NFIB: variants seen among roughly 807,000 people sequenced by gnomAD.
NFIB encodes the protein nuclear factor I B.
Under a neutral mutation model 61.5 loss-of-function variants are expected in NFIB, and 11 were observed. The observed-to-expected ratio is 0.18, with a 90% CI of 0.11 to 0.30. The LOEUF (loss-of-function observed/expected upper bound fraction) is 0.30. NFIB is among the 10% of genes least tolerant of loss of function. The pLI is 1.00. For missense variants in NFIB, 471 were observed against 608.9 expected, an observed-to-expected ratio of 0.77 and a Z score of 2.38; for synonymous variants, 260 against 216.5, an observed-to-expected ratio of 1.20 and a Z score of -1.76.
At chr9:14,336,488 T>C (rs1438943369) in intron 1 of NFIB, among the ~76,000 whole-genome samples, 1 of 152,156 alleles carries the variant, frequency 6.6e-6, no homozygotes, top group Non-Finnish European at 1.5e-5. Flanking sequence ...AGCCACCTAT[T>C]TATGGTAATG....
At chr9:14,238,732 C>T (rs1183972695) in intron 2 of NFIB, among the ~76,000 whole-genome samples, 1 of 152,116 alleles carries the variant, frequency 6.6e-6, no homozygotes. Flanking sequence ...TGCTTTGGAA[C>T]TTGGTATCTT....
At chr9:14,287,205 G>A (rs1465049960) in intron 2 of NFIB, among the ~76,000 whole-genome samples, 2 of 151,040 alleles carry the variant, frequency 1.3e-5, no homozygotes, top group Non-Finnish European at 2.9e-5. Context: ...GCCGAGGCGG[G>A]CGGATCACGA....
chr9:14,525,077 G>T, the NFIB span, among the ~76,000 whole-genome samples: 1 of 152,176 alleles, frequency 6.6e-6, no homozygotes, highest in Non-Finnish European at 1.5e-5. Context: ...GAGGAAAGAT[G>T]AATGGAATCG....
chr9:14,183,730 G>C (rs1160772167), intron 2 of NFIB, among the ~76,000 whole-genome samples: 1 of 151,946 alleles, frequency 6.6e-6, no homozygotes, highest in African/African-American at 2.4e-5. Context: ...TTTTGATGCA[G>C]TAGAGAAAAA....
At chr9:14,407,955 G>A in the NFIB span, among the ~76,000 whole-genome samples, 1 of 152,078 alleles carries the variant, frequency 6.6e-6, no homozygotes, top group Non-Finnish European at 1.5e-5. Flanking sequence ...TCAAAGCCCG[G>A]GGGTTACAGG....
chr9:14,228,343 C>T (rs565578568), intron 2 of NFIB, among the ~76,000 whole-genome samples: 3 of 151,994 alleles, frequency 2.0e-5, no homozygotes, highest in African/African-American at 7.2e-5. Context: ...TACAGGAGCA[C>T]ACCACCACGC....
At chr9:14,340,730 A>G (rs1403444255) in intron 1 of NFIB, among the ~76,000 whole-genome samples, 7 of 152,224 alleles carry the variant, frequency 4.6e-5, no homozygotes, top group Non-Finnish European at 5.9e-5. Context: ...TTTGGAATCT[A>G]TTAATCTGGT....
intron 2 of NFIB, chr9:14,204,775 G>C (rs947033905): frequency 1.9e-6 from 1 of 526,898 alleles, no homozygotes; most frequent in Non-Finnish European, 3.4e-6. Flanking sequence ...GTCGTAAAAT[G>C]GGGGTCCCTT....
intron 3 of NFIB, among the ~76,000 whole-genome samples, chr9:14,164,817 G>C (rs1484064138): frequency 6.6e-6 from 1 of 152,068 alleles, no homozygotes; most frequent in African/African-American, 2.4e-5. Context: ...GTTTATGTTT[G>C]GCTTCCAACC....
intron 6 of NFIB, among the ~76,000 whole-genome samples, chr9:14,137,411 A>G (rs896655281): frequency 2.0e-5 from 3 of 152,234 alleles, no homozygotes; most frequent in Admixed American, 1.3e-4. Flanking sequence ...TCAAAAAATA[A>G]TTTAAGAAAC....
chr9:14,409,745 A>G, the NFIB span, among the ~76,000 whole-genome samples: 6 of 152,234 alleles, frequency 3.9e-5, no homozygotes, highest in African/African-American at 1.4e-4. Context: ...CAATCACACA[A>G]AGAAAAGAAC....
chr9:14,485,887 CA>C, the NFIB span, among the ~76,000 whole-genome samples: 80 of 150,834 alleles, frequency 5.3e-4, no homozygotes, highest in South Asian at 6.1e-3. Flanking sequence ...AAACAAAACA[CA>C]AAAAAACAAA....
At chr9:14,411,097 T>C in the NFIB span, among the ~76,000 whole-genome samples, 1 of 152,216 alleles carries the variant, frequency 6.6e-6, no homozygotes, top group Non-Finnish European at 1.5e-5. Flanking sequence ...CATTTTGACA[T>C]AGTTGTAAAA....
At chr9:14,339,512 C>T (rs1278796878) in intron 1 of NFIB, among the ~76,000 whole-genome samples, 1 of 152,206 alleles carries the variant, frequency 6.6e-6, no homozygotes. Flanking sequence ...ACTTCTTGTT[C>T]ACATCTCTGA....
At chr9:14,193,126 GTT>G (rs2048130865) in intron 2 of NFIB, among the ~76,000 whole-genome samples, 1 of 150,480 alleles carries the variant, frequency 6.6e-6, no homozygotes, top group South Asian at 2.1e-4. Flanking sequence ...AAATAATCAA[GTT>G]TTTAAAAAAG....
intron 2 of NFIB, among the ~76,000 whole-genome samples, chr9:14,221,581 C>G (rs940031022): frequency 2.6e-5 from 4 of 152,310 alleles, no homozygotes; most frequent in Admixed American, 1.3e-4. Context: ...TCAAGCTTAT[C>G]TGACTCCCCA....
At chr9:14,419,423 C>T in the NFIB span, among the ~76,000 whole-genome samples, 3 of 152,226 alleles carry the variant, frequency 2.0e-5, no homozygotes, top group South Asian at 4.2e-4. Context: ...GGATTAATCC[C>T]TACCAACCAT....
At chr9:14,140,686 C>T (rs899622552) in intron 6 of NFIB, among the ~76,000 whole-genome samples, 2 of 152,184 alleles carry the variant, frequency 1.3e-5, no homozygotes, top group Non-Finnish European at 2.9e-5. Context: ...GCAATCCCAT[C>T]ACTTTGGGAG....
intron 9 of NFIB, among the ~76,000 whole-genome samples, 191 bp from the exon 10 acceptor site, chr9:14,113,272 G>C (rs1384880095): frequency 1.3e-5 from 2 of 152,190 alleles, no homozygotes; most frequent in East Asian, 1.9e-4. Flanking sequence ...AAATCAACTA[G>C]TTTATTCCCC....
Sources: gnomAD v4.1 joint callset for allele counts (sites outside exome capture counted in the v4.1 genomes callset) on GRCh38, gnomAD v4.1.1 for gene constraint, MANE v1.5 for transcripts, NCBI Gene and HGNC (gene_info 2026-07-23, HGNC 2026-07-21) for gene names.